Variants in NOVA1 observed in about 807,000 individuals in gnomAD.
The protein encoded by NOVA1 is RNA-binding protein Nova-1.
Under a neutral mutation model 38.0 loss-of-function variants are expected in NOVA1, and 7 were observed. That is an observed-to-expected ratio of 0.18 (90% CI 0.10 to 0.35). The LOEUF is 0.35. NOVA1 is among the 10% of genes least tolerant of loss of function. The pLI is 1.00. For synonymous variants in NOVA1, 270 were observed against 232.5 expected, an observed-to-expected ratio of 1.16 and a Z score of -1.47; for missense variants, 460 against 616.0, an observed-to-expected ratio of 0.75 and a Z score of 2.68.
intron 2 of NOVA1, among the ~76,000 whole-genome samples, chr14:26,580,440 C>G (rs1316997140): frequency 6.6e-6 from 1 of 151,890 alleles, no homozygotes; most frequent in African/African-American, 2.4e-5. Context: ...AATTCACATG[C>G]CTAGTTTTCT....
chr14:26,472,305 A>G lies in NOVA1; in HGVS notation c.519+15T>C, dbSNP rs1884645510. The G allele has an allele frequency of 6.6e-7, 1 of 1,512,532 alleles. No individual in the cohort carries two copies. The highest frequency in any genetic ancestry group is 9.2e-7 in the Non-Finnish European group (1 of 1,089,538). 93.7% of individuals were successfully genotyped at this position (1,512,532 alleles called of 1,614,324 possible). A position where few individuals can be genotyped will look rare whatever the true frequency, so the allele number is the denominator to read the frequency against. ...CCGTGAAAAGTATGGTGTAGATGAC[A>G]GGATGATACTGTACCTGATTAGCTC... is the stretch of plus-strand genomic sequence containing the variant. On this transcript the variant is annotated intron_variant, in intron 4 of 4. Coordinates refer to ENST00000539517, the MANE Select transcript of NOVA1 (RefSeq NM_002515.3).
chr14:26,448,479 C>G lies in NOVA1; in HGVS notation c.1004G>C (p.Gly335Ala). ...CCCTGTTGCTGCTGCTTGACTGAGACCTAAACCTAAAGTGTTGAGATTATA... is the reference window on the plus strand; with the variant it reads ...CCCTGTTGCTGCTGCTTGACTGAGAGCTAAACCTAAAGTGTTGAGATTATA... ...YGYNLNTLGL[G>A]LSQAAATGAL... Residue 335 changes from glycine (G) to alanine (A), a missense_variant, in exon 5 of 5, where the codon GGT becomes GCT. Transcript: ENST00000539517. The surrounding 1 kb of genome is among the most constrained non-coding windows in gnomAD (Gnocchi z 5.3). 6.2e-7 allele frequency: 1 copy of G among 1,613,796 alleles called. No individual in the cohort carries two copies. Among genetic ancestry groups the G allele is most frequent in the Non-Finnish European group, 8.5e-7 (1 of 1,180,006 alleles).
intron 2 of NOVA1, among the ~76,000 whole-genome samples, chr14:26,507,601 A>G (rs969933453): frequency 2.0e-5 from 3 of 152,136 alleles, no homozygotes; most frequent in Admixed American, 6.6e-5. Flanking sequence ...GATATTTTCA[A>G]ATAGCCTTAG....
chr14:26,541,124 T>C (rs2138597223), intron 2 of NOVA1, among the ~76,000 whole-genome samples: 1 of 152,190 alleles, frequency 6.6e-6, no homozygotes, highest in South Asian at 2.1e-4. Flanking sequence ...GGTTGGAAGG[T>C]AGAATGAGAA....
chr14:26,597,034 A>C, intron 1 of NOVA1: 1 of 1,215,688 alleles, frequency 8.2e-7, no homozygotes, highest in South Asian at 3.9e-5. Context: ...GGACCGATTA[A>C]ATGGAAAGAT....
chr14:26,575,034 C>G (rs1195587869), intron 2 of NOVA1, among the ~76,000 whole-genome samples: 2 of 152,114 alleles, frequency 1.3e-5, no homozygotes, highest in East Asian at 3.9e-4. Context: ...GTAAATAATT[C>G]TCTTAAAACT....
rs1882327671 is a variant in NOVA1 at position 26,448,613 on chromosome 14, T to C, written c.870A>G (p.Gly290=). 3.1e-6 allele frequency: 5 copies of C among 1,614,128 alleles called. No homozygotes were observed. Among genetic ancestry groups the C allele is most frequent in the African/African-American group, 1.3e-5 (1 of 74,950 alleles). The change falls in exon 5 of 5, where the codon GGA becomes GGG. Residue 290 remains glycine, a synonymous_variant. Transcript: ENST00000539517. This position sits in a 1 kb window ranked among gnomAD's most constrained non-coding sequence, Gnocchi z 5.3. The part of the protein sequence containing the change: ...PTAAAAAGLL[G]HANLAGVAAF... Reference sequence around the variant, plus strand: ...CTGCAACGCCAGCAAGGTTAGCATGTCCTAATAGCCCTGCAGCTGCTGCAG... The same window carrying C: ...CTGCAACGCCAGCAAGGTTAGCATGCCCTAATAGCCCTGCAGCTGCTGCAG...
rs752960890 is a variant in NOVA1, at chr14:26,472,345, G to A, written c.494C>T (p.Pro165Leu). ...CTGATTAGCTCTGGAGGTGGTCATG[G>A]GATCAGATGGAGAGGACTTGGTGGT... is the stretch of plus-strand genomic sequence containing the variant. ...PTTTKSSPSD[P>L]MTTSRANQVK... The change falls in exon 4 of 5, where the codon CCC becomes CTC. Residue 165 changes from proline (P) to leucine (L), a missense_variant. Transcript: ENST00000539517. 2.6e-5 allele frequency: 41 copies of A among 1,593,990 alleles called. No individual in the cohort carries two copies. Among genetic ancestry groups the A allele is most frequent in the Admixed American group, 1.4e-4 (8 of 58,730 alleles).
At chr14:26,479,825 C>A in intron 3 of NOVA1, 152 bp downstream of exon 3, 3 of 719,998 alleles carry the variant, frequency 4.2e-6, no homozygotes, top group Non-Finnish European at 6.7e-6. Context: ...AGGATGAGAC[C>A]TTGATAGTCT....
intron 2 of NOVA1, among the ~76,000 whole-genome samples, chr14:26,584,340 CT>C (rs1180049792): frequency 6.6e-6 from 1 of 151,428 alleles, no homozygotes; most frequent in Non-Finnish European, 1.5e-5. Context: ...CTCAATTATA[CT>C]TTTGAACAAC....
intron 2 of NOVA1, among the ~76,000 whole-genome samples, chr14:26,583,501 C>G (rs1566558696): frequency 6.6e-6 from 1 of 151,376 alleles, no homozygotes; most frequent in Non-Finnish European, 1.5e-5. Context: ...TATTTTAAAT[C>G]CCCATCTGTT....
intron 4 of NOVA1, among the ~76,000 whole-genome samples, chr14:26,451,601 G>T (rs1291408412): frequency 6.6e-6 from 1 of 152,054 alleles, no homozygotes; most frequent in African/African-American, 2.4e-5. Context: ...TCAAACTCCT[G>T]ACCTCAGGTG....
chr14:26,457,307 G>A (rs1883265367), intron 4 of NOVA1, among the ~76,000 whole-genome samples: 1 of 152,016 alleles, frequency 6.6e-6, no homozygotes, highest in Non-Finnish European at 1.5e-5. Flanking sequence ...AAATAAAAAG[G>A]ATAAGATCTC....
intron 2 of NOVA1, among the ~76,000 whole-genome samples, chr14:26,556,814 C>A (rs1422489715): frequency 6.6e-6 from 1 of 152,086 alleles, no homozygotes; most frequent in Non-Finnish European, 1.5e-5. Flanking sequence ...GACAAAAGGT[C>A]TGAAAAGACA....
At chr14:26,482,573 T>G (rs1409732109) in intron 2 of NOVA1, among the ~76,000 whole-genome samples, 1 of 152,226 alleles carries the variant, frequency 6.6e-6, no homozygotes, top group Non-Finnish European at 1.5e-5. Flanking sequence ...TGCCTGTTAT[T>G]TATCATTTTA....
In NOVA1 at chr14:26,446,676, T is replaced by G. The variant is rs949238261; in HGVS notation, c.*1283A>C. 2 of 152,700 alleles carry G rather than the reference T, an allele frequency of 1.3e-5. No homozygotes were observed. Among genetic ancestry groups the G allele is most frequent in the Non-Finnish European group, 1.5e-5 (1 of 68,138 alleles). 9.5% of individuals were successfully genotyped at this position (152,700 alleles called of 1,614,324 possible). Reference sequence around the variant, plus strand: ...ATGGTGTGTCAAATGGCCTGGACAGTTGGCACTCAGGAGAGGTACAGAAGA... The same window carrying G: ...ATGGTGTGTCAAATGGCCTGGACAGGTGGCACTCAGGAGAGGTACAGAAGA... On this transcript the variant is annotated 3_prime_UTR_variant, in exon 5 of 5. Coordinates refer to ENST00000539517, the MANE Select transcript of NOVA1 (RefSeq NM_002515.3).
At position 26,495,641 on chromosome 14, in the gene NOVA1, A is replaced by C. The variant is rs1418663489; in HGVS notation, c.281-15498T>G. Among the ~76,000 whole-genome samples the C allele has an allele frequency of 2.7e-3, 313 of 115,972 alleles. 1 individual carries two copies. The highest frequency in any genetic ancestry group is 3.8e-3 in the Non-Finnish European group (209 of 55,680). The allele number at this position is 115,972 out of a possible 152,430, so 76.1% of individuals were successfully genotyped here. On this transcript the variant is annotated intron_variant, in intron 2 of 4. Coordinates refer to ENST00000539517, the MANE Select transcript of NOVA1 (RefSeq NM_002515.3). ...AGGTATATCACCCAATGCTATCCCTACCCCCTCCCCCCACCCCACAACAGT... is the reference window on the plus strand; with the variant it reads ...AGGTATATCACCCAATGCTATCCCTCCCCCCTCCCCCCACCCCACAACAGT...
At chr14:26,539,307 G>T (rs1346569604) in intron 2 of NOVA1, among the ~76,000 whole-genome samples, 1 of 152,102 alleles carries the variant, frequency 6.6e-6, no homozygotes, top group African/African-American at 2.4e-5. Flanking sequence ...AATTACATTA[G>T]GTTCACTAAA....
At chr14:26,508,689 T>C (rs1398166802) in intron 2 of NOVA1, among the ~76,000 whole-genome samples, 1 of 151,972 alleles carries the variant, frequency 6.6e-6, no homozygotes, top group Non-Finnish European at 1.5e-5. Flanking sequence ...ATAGAGTTGA[T>C]GAAAACTATA....
Sources: allele counts gnomAD v4.1 joint callset (sites outside exome capture counted in the v4.1 genomes callset), GRCh38; gene constraint gnomAD v4.1.1; non-coding constraint Gnocchi (gnomAD v3.1); transcripts MANE v1.5; gene names NCBI Gene and HGNC (gene_info 2026-07-23, HGNC 2026-07-21).